Variants in FREM1 observed in about 807,000 individuals in gnomAD.
The protein encoded by FREM1 is FRAS1-related extracellular matrix protein 1.
FREM1 carries 220 observed loss-of-function variants against 210.1 expected under a neutral mutation model. That is an observed-to-expected ratio of 1.05 (90% CI 0.94 to 1.17). FREM1 has a LOEUF of 1.17. Ranked by LOEUF, FREM1 falls within the 50% of genes most tolerant of loss-of-function variation. FREM1 has a pLI of 0.00. For synonymous variants in FREM1, 1,189 were observed against 980.2 expected (o/e 1.21, Z -3.98); for missense variants, 3,454 against 2,675.5 (o/e 1.29, Z -6.42).
rs756073063 is a variant in FREM1, at chr9:14,756,408, G to A, written c.5373C>T (p.Thr1791=). 2.1e-5 allele frequency: 33 copies of A among 1,602,120 alleles called. 1 individual carries two copies. The highest frequency in any genetic ancestry group is 2.7e-5 in the Non-Finnish European group (32 of 1,174,040). Residue 1791 remains threonine, a synonymous_variant, in exon 29 of 37, where the codon ACC becomes ACT. Coordinates refer to ENST00000380880, the MANE Select transcript of FREM1 (RefSeq NM_001379081.2). Reference sequence around the variant, plus strand: ...ACTGAATCAGTTTAGATGGAATCACGGTGAAATCTTTTCCAACTGCAGCTG... The same window carrying A: ...ACTGAATCAGTTTAGATGGAATCACAGTGAAATCTTTTCCAACTGCAGCTG... ...QVSAAVGKDF[T]VIPSKLIQFD...
Position 14,747,448 on chromosome 9 carries a change from A to G in FREM1, c.5845-20T>C. The stretch of plus-strand genomic sequence containing the variant: ...ATGATACTTGAGGAAACCAACAATC[A>G]ACAACAATAAGGAAAAAACAAACAT... On this transcript the variant is annotated intron_variant, in intron 32 of 36. Transcript: ENST00000380880. The G allele has an allele frequency of 6.2e-7, 1 of 1,606,454 alleles. No homozygotes were observed. Among genetic ancestry groups the G allele is most frequent in the Non-Finnish European group, 8.5e-7 (1 of 1,176,706 alleles).
chr9:14,838,194 C>T (rs1213634504), intron 10 of FREM1, among the ~76,000 whole-genome samples: 1 of 152,150 alleles, frequency 6.6e-6, no homozygotes, highest in Admixed American at 6.5e-5. Context: ...TTGTTGTAGA[C>T]AAAATTGGCA....
At position 14,813,068 on chromosome 9, in the gene FREM1, G is replaced by A. The variant is rs773183092; in HGVS notation, c.2641-4C>T. On this transcript the variant is annotated splice_region_variant and splice_polypyrimidine_tract_variant and intron_variant, in intron 15 of 36. Transcript: ENST00000380880. ...GCTCATCGTTGACAGGGAATACCTA[G>A]GCAATGGAAAAAATGCATGTTTTCA... 2.5e-5 allele frequency: 39 copies of A among 1,588,964 alleles called. No homozygotes were observed. Among genetic ancestry groups the A allele is most frequent in the Non-Finnish European group, 3.3e-5 (38 of 1,165,174 alleles).
intron 19 of FREM1, among the ~76,000 whole-genome samples, chr9:14,803,779 T>G (rs1817797487): frequency 6.6e-6 from 1 of 152,196 alleles, no homozygotes; most frequent in African/African-American, 2.4e-5. Context: ...ATATGATACT[T>G]GTGCTAAAAG....
At chr9:14,910,551 C>G (rs1393499306), upstream of FREM1, 2 of 152,804 alleles carry the variant, frequency 1.3e-5, no homozygotes, top group African/African-American at 2.4e-5. Flanking sequence ...ACAGACACAC[C>G]CACTCACAGA....
intron 10 of FREM1, among the ~76,000 whole-genome samples, chr9:14,831,926 G>T (rs924970237): frequency 2.0e-5 from 3 of 152,202 alleles, no homozygotes; most frequent in East Asian, 3.9e-4. Flanking sequence ...GACGGACAGA[G>T]AATAGCTGGG....
At chr9:14,856,770 T>TC (rs1828822941) in intron 5 of FREM1, among the ~76,000 whole-genome samples, 1 of 151,150 alleles carries the variant, frequency 6.6e-6, no homozygotes, top group South Asian at 2.1e-4. Flanking sequence ...GAGGCAGAGC[T>TC]TGCAGTGAGC....
At chr9:14,863,514 C>T (rs1830949146) in intron 3 of FREM1, among the ~76,000 whole-genome samples, 1 of 151,910 alleles carries the variant, frequency 6.6e-6, no homozygotes, top group Admixed American at 6.6e-5. Context: ...CCATTTTCTA[C>T]CATAAGTGGT....
At chr9:14,845,893 A>G in intron 8 of FREM1, 67 bp downstream of exon 8, 2 of 1,540,472 alleles carry the variant, frequency 1.3e-6, no homozygotes, top group African/African-American at 2.7e-5. Context: ...TATATCTGTT[A>G]AATATATCTA....
At chr9:14,905,267 TGAGA>T (rs149403675) in intron 1 of FREM1, among the ~76,000 whole-genome samples, 3 of 151,116 alleles carry the variant, frequency 2.0e-5, no homozygotes, top group Admixed American at 6.6e-5. Context: ...TTTAAAATGG[TGAGA>T]GAGAGAGAGA....
At chr9:14,852,670 G>T (rs1404356240) in intron 5 of FREM1, among the ~76,000 whole-genome samples, 2 of 152,154 alleles carry the variant, frequency 1.3e-5, no homozygotes, top group African/African-American at 4.8e-5. Flanking sequence ...CTTCAGCCTG[G>T]GCAAGAGAGT....
intron 1 of FREM1, among the ~76,000 whole-genome samples, chr9:14,888,279 C>T (rs1203052355): frequency 6.6e-6 from 1 of 152,134 alleles, no homozygotes; most frequent in Non-Finnish European, 1.5e-5. Flanking sequence ...CTTGTCATCG[C>T]AATTAGAGCC....
intron 20 of FREM1, among the ~76,000 whole-genome samples, chr9:14,798,542 T>C (rs1260583413): frequency 6.6e-6 from 1 of 152,140 alleles, no homozygotes; most frequent in Non-Finnish European, 1.5e-5. Context: ...CCCAGGAATT[T>C]GAGGCTGCAG....
At chr9:14,768,560 G>A (rs1359852866) in intron 27 of FREM1, among the ~76,000 whole-genome samples, 1 of 151,998 alleles carries the variant, frequency 6.6e-6, no homozygotes, top group Non-Finnish European at 1.5e-5. Context: ...TGTGCACCTG[G>A]CATATAGTAG....
At chr9:14,781,139 G>C (rs1375422254) in intron 24 of FREM1, among the ~76,000 whole-genome samples, 3 of 152,180 alleles carry the variant, frequency 2.0e-5, no homozygotes, top group African/African-American at 7.2e-5. Flanking sequence ...AGTTATGTCA[G>C]TTTAGGTGAC....
intron 2 of FREM1, among the ~76,000 whole-genome samples, chr9:14,866,049 T>C (rs1047670037): frequency 1.3e-5 from 2 of 152,224 alleles, no homozygotes; most frequent in Non-Finnish European, 2.9e-5. Flanking sequence ...TGAGATGTCA[T>C]ATTTGCCTCT....
At chr9:14,872,245 A>G (rs945182670) in intron 1 of FREM1, among the ~76,000 whole-genome samples, 16 of 152,278 alleles carry the variant, frequency 1.1e-4, no homozygotes, top group African/African-American at 3.6e-4. Context: ...TTGAATCTAT[A>G]AATTACCTTG....
At chr9:14,781,332 C>T (rs545291801) in intron 24 of FREM1, among the ~76,000 whole-genome samples, 10 of 152,254 alleles carry the variant, frequency 6.6e-5, no homozygotes, top group Middle Eastern at 3.4e-3. Flanking sequence ...AGGGATTGCA[C>T]CAAATCAATG....
At chr9:14,875,118 A>G (rs1471532291) in intron 1 of FREM1, among the ~76,000 whole-genome samples, 3 of 152,012 alleles carry the variant, frequency 2.0e-5, no homozygotes, top group African/African-American at 4.8e-5. Context: ...CTTCATGTCA[A>G]CTTTGGTGAA....
Sources: allele counts gnomAD v4.1 joint callset (sites outside exome capture counted in the v4.1 genomes callset), GRCh38; gene constraint gnomAD v4.1.1; transcripts MANE v1.5; gene names NCBI Gene and HGNC (gene_info 2026-07-23, HGNC 2026-07-21).